Variants in ZNF423 observed in about 807,000 individuals in gnomAD.
ZNF423 encodes Ebf-associated zinc finger protein.
In ZNF423, 12 loss-of-function variants were observed where a neutral mutation model predicts 95.8. That is an observed-to-expected ratio of 0.13 (90% CI 0.08 to 0.20). ZNF423 has a LOEUF of 0.20. ZNF423 is among the 10% of genes least tolerant of loss of function. The pLI, the probability that ZNF423 is intolerant of heterozygous loss-of-function variation, is 1.00. For synonymous variants in ZNF423, 749 were observed against 711.9 expected (o/e 1.05, Z -0.83); for missense variants, 1,316 against 1,737.1 (o/e 0.76, Z 4.31).
intron 1 of ZNF423, among the ~76,000 whole-genome samples, chr16:49,829,721 C>T (rs2144052164): frequency 1.3e-5 from 2 of 152,290 alleles, no homozygotes; most frequent in African/African-American, 4.8e-5. Flanking sequence ...GCAATCCCAA[C>T]ACTGTCAAGA....
chr16:49,737,963 G>A (rs561992932), intron 2 of ZNF423, among the ~76,000 whole-genome samples: 1 of 152,304 alleles, frequency 6.6e-6, no homozygotes, highest in South Asian at 2.1e-4. Context: ...CCCACCTCTG[G>A]GGCCACATGG....
upstream of ZNF423, chr16:49,857,883 T>G (rs1412819880): frequency 6.6e-6 from 1 of 152,170 alleles, no homozygotes; most frequent in East Asian, 1.9e-4. This position sits in a 1 kb window ranked among gnomAD's most constrained non-coding sequence, Gnocchi z 6.2. Context: ...GACTCTGGTC[T>G]CCGGGCAGGC....
At chr16:49,559,948 G>C (rs908302610) in intron 5 of ZNF423, among the ~76,000 whole-genome samples, 3 of 152,134 alleles carry the variant, frequency 2.0e-5, no homozygotes, top group African/African-American at 7.2e-5. Flanking sequence ...GTCTCTCTTT[G>C]GTCTTTGGCT....
chr16:49,853,631 C>T (rs927183599), intron 1 of ZNF423: 5 of 985,230 alleles, frequency 5.1e-6, no homozygotes, highest in Non-Finnish European at 6.0e-6. Flanking sequence ...CCTGCTTGAA[C>T]TGTCTGCTAC....
intron 3 of ZNF423, among the ~76,000 whole-genome samples, chr16:49,667,349 A>G (rs2030594286): frequency 6.6e-6 from 1 of 152,242 alleles, no homozygotes; most frequent in African/African-American, 2.4e-5. Context: ...GACAAGAGCT[A>G]GCCATTTGGT....
At chr16:49,838,944 A>G (rs1341642158) in intron 1 of ZNF423, among the ~76,000 whole-genome samples, 1 of 151,650 alleles carries the variant, frequency 6.6e-6, no homozygotes, top group Non-Finnish European at 1.5e-5. Flanking sequence ...CGGGCAGACA[A>G]GGGCCCGGGA....
intron 1 of ZNF423, among the ~76,000 whole-genome samples, chr16:49,852,694 C>A (rs1256045662): frequency 6.6e-6 from 1 of 151,928 alleles, no homozygotes. Flanking sequence ...ATAACACTCC[C>A]GGCTTTAGGG....
chr16:49,764,736 C>T (rs1298829705), intron 2 of ZNF423: 1 of 151,812 alleles, frequency 6.6e-6, no homozygotes, highest in African/African-American at 2.4e-5. Flanking sequence ...ACACCCACCT[C>T]TTTTTTCTTT....
At chr16:49,716,906 T>C (rs2032725518) in intron 3 of ZNF423, among the ~76,000 whole-genome samples, 1 of 152,216 alleles carries the variant, frequency 6.6e-6, no homozygotes, top group African/African-American at 2.4e-5. Flanking sequence ...TCATTTTGTT[T>C]GGGGATGTTC....
intron 2 of ZNF423, among the ~76,000 whole-genome samples, chr16:49,737,469 C>T (rs2033314189): frequency 6.6e-6 from 1 of 152,186 alleles, no homozygotes; most frequent in Non-Finnish European, 1.5e-5. Context: ...AGGGTTTTGC[C>T]ATGTTGGCCA....
At chr16:49,734,313 C>T (rs370918482) in intron 2 of ZNF423, among the ~76,000 whole-genome samples, 6 of 152,238 alleles carry the variant, frequency 3.9e-5, no homozygotes, top group African/African-American at 1.2e-4. Flanking sequence ...CTGGACATCA[C>T]CTGTGCAAAC....
chr16:49,750,775 C>T (rs1257790069), intron 2 of ZNF423, among the ~76,000 whole-genome samples: 4 of 152,138 alleles, frequency 2.6e-5, no homozygotes, highest in Non-Finnish European at 4.4e-5. Context: ...AAATAATTGA[C>T]GTGACAGGGG....
intron 2 of ZNF423, among the ~76,000 whole-genome samples, chr16:49,783,722 G>T (rs1312384882): frequency 2.6e-5 from 4 of 151,980 alleles, no homozygotes; most frequent in Non-Finnish European, 4.4e-5. Context: ...AAGGCACTGG[G>T]AGCCTTTGGA....
chr16:49,531,164 G>T (rs1192978785), intron 5 of ZNF423, among the ~76,000 whole-genome samples: 1 of 152,080 alleles, frequency 6.6e-6, no homozygotes, highest in Non-Finnish European at 1.5e-5. Flanking sequence ...TCTGCAGGTG[G>T]AAGCAAGGCA....
At chr16:49,715,132 C>A (rs766542116) in intron 3 of ZNF423, among the ~76,000 whole-genome samples, 1 of 152,356 alleles carries the variant, frequency 6.6e-6, no homozygotes, top group Non-Finnish European at 1.5e-5. Flanking sequence ...GAGACAGGAA[C>A]AGGCATGAGG....
chr16:49,771,207 T>G (rs2034028830), intron 2 of ZNF423, among the ~76,000 whole-genome samples: 2 of 144,012 alleles, frequency 1.4e-5, no homozygotes, highest in South Asian at 2.3e-4. Flanking sequence ...TTTTTTTTTT[T>G]TTTTTGAGAA....
At chr16:49,601,824 G>A (rs1234272298) in intron 5 of ZNF423, among the ~76,000 whole-genome samples, 2 of 152,222 alleles carry the variant, frequency 1.3e-5, no homozygotes, top group Admixed American at 6.5e-5. Context: ...TCTTCCTAGA[G>A]GAAGCAGGAG....
At chr16:49,554,057 C>G (rs977797830) in intron 5 of ZNF423, among the ~76,000 whole-genome samples, 3 of 152,184 alleles carry the variant, frequency 2.0e-5, no homozygotes, top group African/African-American at 7.2e-5. Flanking sequence ...GGTCCCCCCA[C>G]AACAATGATA....
At chr16:49,502,243 T>C (rs1256503311) in intron 7 of ZNF423, among the ~76,000 whole-genome samples, 1 of 152,016 alleles carries the variant, frequency 6.6e-6, no homozygotes, top group Non-Finnish European at 1.5e-5. Flanking sequence ...GGCCCAACAT[T>C]AGTTGAATCC....
Sources: allele counts gnomAD v4.1 joint callset (sites outside exome capture counted in the v4.1 genomes callset), GRCh38; gene constraint gnomAD v4.1.1; non-coding constraint Gnocchi (gnomAD v3.1); transcripts MANE v1.5; gene names NCBI Gene and HGNC (gene_info 2026-07-23, HGNC 2026-07-21).